Variants in RORA observed in about 807,000 individuals in gnomAD.
RORA encodes RAR related orphan receptor A.
Under a neutral mutation model 69.5 loss-of-function variants are expected in RORA, and 7 were observed. The observed-to-expected ratio is 0.10, with a 90% CI of 0.06 to 0.19. RORA has a LOEUF of 0.19. Ranked by LOEUF, RORA falls within the 10% of genes least tolerant of loss-of-function variation. The pLI is 1.00. For synonymous variants in RORA, 261 were observed against 240.8 expected (o/e 1.08, Z -0.78); for missense variants, 457 against 663.0 (o/e 0.69, Z 3.41).
chr15:60,964,046 T>G (rs920992455), intron 1 of RORA, among the ~76,000 whole-genome samples: 3 of 152,214 alleles, frequency 2.0e-5, no homozygotes, highest in Admixed American at 6.5e-5. Context: ...ACCCCTGTTG[T>G]CCTGTAAGAT....
chr15:61,195,199 T>C (rs572782045), intron 1 of RORA, among the ~76,000 whole-genome samples: 1 of 152,164 alleles, frequency 6.6e-6, no homozygotes, highest in South Asian at 2.1e-4. Context: ...GTTACTGCTG[T>C]CAGGATGGAT....
intron 2 of RORA, among the ~76,000 whole-genome samples, chr15:60,651,014 G>A (rs1254593886): frequency 2.0e-5 from 3 of 152,052 alleles, no homozygotes; most frequent in Non-Finnish European, 4.4e-5. Flanking sequence ...CTTCCAATAC[G>A]CCACACAGCC....
chr15:60,724,257 C>G (rs2071329595), intron 1 of RORA, among the ~76,000 whole-genome samples: 1 of 152,150 alleles, frequency 6.6e-6, no homozygotes, highest in South Asian at 2.1e-4. Context: ...CTTATTATCA[C>G]AGGTAACTTT....
chr15:61,220,875 C>G (rs2080089199), intron 1 of RORA, among the ~76,000 whole-genome samples: 1 of 152,164 alleles, frequency 6.6e-6, no homozygotes, highest in Admixed American at 6.5e-5. Context: ...TGTCATTTTC[C>G]TTTGCACAGA....
At position 60,497,428 on chromosome 15, in the gene RORA, A is replaced by T. The variant is rs2065195864; in HGVS notation, c.*27T>A. 1 of 1,605,626 alleles carries T rather than the reference A, an allele frequency of 6.2e-7. No individual in the cohort carries two copies. Among genetic ancestry groups the T allele is most frequent in the African/African-American group, 1.3e-5 (1 of 74,618 alleles). ...TGTTTTTCATGTTTGTACTTCAGACATTCTAGAAGTGCTTAGGTGATAACA... is the reference window on the plus strand; with the variant it reads ...TGTTTTTCATGTTTGTACTTCAGACTTTCTAGAAGTGCTTAGGTGATAACA... On this transcript the variant is annotated 3_prime_UTR_variant, in exon 11 of 11. Transcript: ENST00000335670.
chr15:61,024,351 A>C (rs1895692377), intron 1 of RORA, among the ~76,000 whole-genome samples: 1 of 131,376 alleles, frequency 7.6e-6, no homozygotes, highest in Non-Finnish European at 1.5e-5. Context: ...TGGTTCAGTC[A>C]TAGTTCGGTG....
At position 60,912,623 on chromosome 15, in the gene RORA, A is replaced by G. The variant is rs1464625020; in HGVS notation, c.167-233937T>C. Among the ~76,000 whole-genome samples the G allele has an allele frequency of 4.6e-5, 7 of 152,164 alleles. No homozygotes were observed. The South Asian group carries it at 1.2e-3, about 27-fold the overall frequency. On this transcript the variant is annotated intron_variant, in intron 1 of 10. Coordinates refer to ENST00000335670, the MANE Select transcript of RORA (RefSeq NM_134261.3). ...CAAAAAATTAGCCAGGCATGGTGGCAGGCGCCTGTAGTCCCAGCTCCTCAG... is the reference window on the plus strand; with the variant it reads ...CAAAAAATTAGCCAGGCATGGTGGCGGGCGCCTGTAGTCCCAGCTCCTCAG...
chr15:61,034,956 A>C (rs946918775), intron 1 of RORA, among the ~76,000 whole-genome samples: 5 of 152,228 alleles, frequency 3.3e-5, no homozygotes, highest in African/African-American at 1.2e-4. Flanking sequence ...AGTTAAATTC[A>C]GAAAAATTCA....
intron 1 of RORA, among the ~76,000 whole-genome samples, chr15:60,999,413 T>C (rs1055450090): frequency 6.6e-6 from 1 of 152,194 alleles, no homozygotes. Context: ...GGCACAGACC[T>C]GGAATCTGAC....
chr15:61,033,488 A>C (rs1437548), intron 1 of RORA, among the ~76,000 whole-genome samples: 77,990 of 151,948 alleles, frequency 0.51, 23,324 homozygotes, highest in Non-Finnish European at 0.69. Flanking sequence ...TCTTTCTCCA[A>C]ATCCATCACC....
chr15:60,662,559 C>T (rs529811911), intron 2 of RORA, among the ~76,000 whole-genome samples: 7 of 152,146 alleles, frequency 4.6e-5, no homozygotes, highest in Middle Eastern at 3.4e-3. Flanking sequence ...AAAAATAAAA[C>T]GTTATATGGA....
intron 1 of RORA, among the ~76,000 whole-genome samples, chr15:60,776,035 C>T (rs893893926): frequency 6.6e-6 from 1 of 152,182 alleles, no homozygotes; most frequent in Admixed American, 6.5e-5. Context: ...ACCTCCAATT[C>T]TGTGGCTTAG....
At chr15:61,096,525 T>C (rs2078792274) in intron 1 of RORA, among the ~76,000 whole-genome samples, 2 of 152,190 alleles carry the variant, frequency 1.3e-5, no homozygotes, top group East Asian at 3.8e-4. Context: ...TTATTTTTCT[T>C]AACAAAATAG....
chr15:60,774,303 C>T (rs560434066), intron 1 of RORA, among the ~76,000 whole-genome samples: 6 of 152,286 alleles, frequency 3.9e-5, no homozygotes, highest in Admixed American at 2.6e-4. Context: ...TGATATTCAT[C>T]GTCAAATCTG....
chr15:61,006,146 T>C (rs1894908285), intron 1 of RORA, among the ~76,000 whole-genome samples: 1 of 152,184 alleles, frequency 6.6e-6, no homozygotes, highest in Admixed American at 6.5e-5. Flanking sequence ...TTTTTGTATT[T>C]TTAGTAGAGA....
intron 2 of RORA, among the ~76,000 whole-genome samples, chr15:60,644,755 G>A (rs374799665): frequency 3.3e-5 from 5 of 152,204 alleles, no homozygotes; most frequent in African/African-American, 9.6e-5. Flanking sequence ...CCTCCTTCCT[G>A]GACTTTTAGG....
intron 1 of RORA, among the ~76,000 whole-genome samples, chr15:61,012,561 A>T (rs987882233): frequency 1.3e-5 from 2 of 152,250 alleles, no homozygotes; most frequent in African/African-American, 4.8e-5. Flanking sequence ...CAATCACTTT[A>T]ATAATAGACT....
chr15:60,518,208 A>G (rs2066030787), intron 3 of RORA, among the ~76,000 whole-genome samples: 1 of 152,354 alleles, frequency 6.6e-6, no homozygotes, highest in South Asian at 2.1e-4. Flanking sequence ...CTAACTAGAC[A>G]TAGCTCTTGA....
intron 1 of RORA, among the ~76,000 whole-genome samples, chr15:61,155,616 A>T (rs1160824894): frequency 1.3e-5 from 2 of 152,250 alleles, no homozygotes; most frequent in African/African-American, 4.8e-5. Context: ...ATCAGGCAAC[A>T]GAGACCGATC....
Sources: gnomAD v4.1 joint callset for allele counts (sites outside exome capture counted in the v4.1 genomes callset) on GRCh38, gnomAD v4.1.1 for gene constraint, MANE v1.5 for transcripts, NCBI Gene and HGNC (gene_info 2026-07-23, HGNC 2026-07-21) for gene names.